Variants in LRRC4C observed in about 807,000 individuals in gnomAD.
The protein encoded by LRRC4C is leucine rich repeat containing 4C.
A neutral mutation model predicts 33.6 loss-of-function variants in LRRC4C; 5 were observed. That is an observed-to-expected ratio of 0.15 (90% CI 0.08 to 0.31). The LOEUF (loss-of-function observed/expected upper bound fraction) is 0.31, where lower values mean the gene tolerates loss of function less well. LRRC4C is among the 10% of genes least tolerant of loss of function. The pLI is 1.00. For missense variants in LRRC4C, 560 were observed against 796.7 expected (o/e 0.70, Z 3.58); for synonymous variants, 329 against 302.0 (o/e 1.09, Z -0.93).
chr11:41,348,914 C>T (rs1951885281), intron 1 of LRRC4C, among the ~76,000 whole-genome samples: 1 of 152,212 alleles, frequency 6.6e-6, no homozygotes, highest in Admixed American at 6.5e-5. Context: ...GAACTCCAGT[C>T]TGCGTGGAGC....
At chr11:40,304,965 C>T (rs1366044653) in intron 4 of LRRC4C, among the ~76,000 whole-genome samples, 3 of 152,098 alleles carry the variant, frequency 2.0e-5, no homozygotes, top group Non-Finnish European at 2.9e-5. Flanking sequence ...AGGGTTTCAC[C>T]GTGTTTAGCC....
At chr11:41,415,258 G>T (rs7952147) in intron 1 of LRRC4C, among the ~76,000 whole-genome samples, 1 of 152,036 alleles carries the variant, frequency 6.6e-6, no homozygotes, top group Non-Finnish European at 1.5e-5. Context: ...AGTACTTCCT[G>T]TAAGTGCCAG....
chr11:40,413,574 T>C (rs1480756571), intron 3 of LRRC4C, among the ~76,000 whole-genome samples: 1 of 152,168 alleles, frequency 6.6e-6, no homozygotes, highest in Non-Finnish European at 1.5e-5. Context: ...TGGTGCTTCA[T>C]ATATTCTACC....
At chr11:40,914,184 C>T (rs1355787588) in intron 2 of LRRC4C, among the ~76,000 whole-genome samples, 1 of 152,104 alleles carries the variant, frequency 6.6e-6, no homozygotes, top group African/African-American at 2.4e-5. Context: ...GGAATCCTCC[C>T]TAAGTCATTT....
chr11:40,986,863 A>G (rs184391315), intron 1 of LRRC4C, among the ~76,000 whole-genome samples: 130 of 152,328 alleles, frequency 8.5e-4, no homozygotes, highest in Admixed American at 2.8e-3. Context: ...TCCTGATCAT[A>G]TAGTACAAAA....
rs1256435598 is a variant in LRRC4C at position 40,884,155 on chromosome 11, A to T, written c.-407+49480T>A. Among the ~76,000 whole-genome samples, 5 of 152,040 alleles carry T rather than the reference A, an allele frequency of 3.3e-5. No individual in the cohort carries two copies. In the East Asian group the frequency reaches 9.6e-4, roughly 29 times the overall value. ...GTTCAACTCCCACTTATGAGTGAGA[A>T]CATACAATTTTGGTTTTCTGTTCTT... On this transcript the variant is annotated intron_variant, in intron 2 of 6. Transcript: ENST00000528697.
chr11:41,422,230 C>T (rs1954894234), intron 1 of LRRC4C, among the ~76,000 whole-genome samples: 1 of 151,838 alleles, frequency 6.6e-6, no homozygotes, highest in Non-Finnish European at 1.5e-5. Context: ...TATCTGATAA[C>T]CATTGTCATC....
intron 1 of LRRC4C, among the ~76,000 whole-genome samples, chr11:41,393,363 C>G (rs190079530): frequency 5.6e-4 from 85 of 151,864 alleles, no homozygotes; most frequent in Non-Finnish European, 2.9e-5. Context: ...GTGCTCTGAA[C>G]ATTGCTATGA....
intron 1 of LRRC4C, among the ~76,000 whole-genome samples, chr11:41,132,375 T>C (rs2135845926): frequency 6.6e-6 from 1 of 152,300 alleles, no homozygotes; most frequent in African/African-American, 2.4e-5. Flanking sequence ...GAAAACTTTT[T>C]AAATGTATTT....
At chr11:40,310,716 G>GT (rs966902205) in intron 4 of LRRC4C, among the ~76,000 whole-genome samples, 4 of 152,042 alleles carry the variant, frequency 2.6e-5, no homozygotes, top group African/African-American at 9.7e-5. Context: ...GAAGTAATAT[G>GT]TTTTTTAAGT....
At chr11:40,153,682 G>T (rs1377105730) in intron 5 of LRRC4C, among the ~76,000 whole-genome samples, 1 of 151,604 alleles carries the variant, frequency 6.6e-6, no homozygotes, top group Non-Finnish European at 1.5e-5. Flanking sequence ...TGAACAAGTA[G>T]AAGAAAGAAA....
intron 4 of LRRC4C, among the ~76,000 whole-genome samples, chr11:40,245,347 A>C (rs1490124365): frequency 1.3e-5 from 2 of 152,170 alleles, no homozygotes; most frequent in Non-Finnish European, 2.9e-5. Flanking sequence ...TTTCTCAGCT[A>C]TGTTAGAAGC....
intron 3 of LRRC4C, among the ~76,000 whole-genome samples, chr11:40,627,460 C>T (rs1000773633): frequency 1.3e-5 from 2 of 152,026 alleles, no homozygotes; most frequent in African/African-American, 2.4e-5. Context: ...AGAAAGTGAG[C>T]CTTAAGTAAG....
chr11:40,604,203 C>T (rs895475359), intron 3 of LRRC4C, among the ~76,000 whole-genome samples: 1 of 151,954 alleles, frequency 6.6e-6, no homozygotes, highest in Admixed American at 6.6e-5. Context: ...ATAAATATTG[C>T]CTAAAACTTT....
At chr11:41,344,544 A>AATGTGTTTCC (rs1397198058) in intron 1 of LRRC4C, among the ~76,000 whole-genome samples, 1 of 151,698 alleles carries the variant, frequency 6.6e-6, no homozygotes, top group Non-Finnish European at 1.5e-5. Context: ...TTAACTCATC[A>AATGTGTTTCC]ATGTGTTTCC....
chr11:40,783,650 A>G (rs1239672812), intron 2 of LRRC4C, among the ~76,000 whole-genome samples: 1 of 152,110 alleles, frequency 6.6e-6, no homozygotes, highest in East Asian at 1.9e-4. Flanking sequence ...TTGAAATTAT[A>G]TTCTTTCTCC....
rs534569716 is a variant in LRRC4C, at chr11:40,283,865, C to T, written c.-176+35763G>A. On this transcript the variant is annotated intron_variant, in intron 4 of 6. Transcript: ENST00000528697. ...GACTATAGGCACGTGCCACCACACC[C>T]GGTTCATTTTGCATATTTAGTAGAG... 5.3e-5 allele frequency among the ~76,000 whole-genome samples: 8 copies of T among 151,966 alleles called. No homozygotes were observed. In the South Asian group the frequency reaches 8.3e-4, roughly 16 times the overall value.
intron 3 of LRRC4C, among the ~76,000 whole-genome samples, chr11:40,617,425 C>A (rs566379245): frequency 6.6e-6 from 1 of 151,764 alleles, no homozygotes; most frequent in East Asian, 1.9e-4. Context: ...ACCATCAAAT[C>A]AACATTGCTT....
intron 1 of LRRC4C, among the ~76,000 whole-genome samples, chr11:40,969,343 A>C (rs1357060240): frequency 6.6e-6 from 1 of 152,074 alleles, no homozygotes; most frequent in African/African-American, 2.4e-5. Flanking sequence ...GATGCTGTGA[A>C]TATTTTTGAA....
Sources: gnomAD v4.1 joint callset for allele counts (sites outside exome capture counted in the v4.1 genomes callset) on GRCh38, gnomAD v4.1.1 for gene constraint, MANE v1.5 for transcripts, NCBI Gene and HGNC (gene_info 2026-07-23, HGNC 2026-07-21) for gene names.